Variants in TMOD1 observed in about 807,000 individuals in gnomAD.
The protein encoded by TMOD1 is tropomodulin 1.
Under a neutral mutation model 40.6 loss-of-function variants are expected in TMOD1, and 17 were observed. The observed-to-expected ratio is 0.42, with a 90% CI of 0.29 to 0.63. The LOEUF is 0.63. TMOD1 is among the 20% of genes least tolerant of loss of function. TMOD1 has a pLI of 0.22. For synonymous variants in TMOD1, 181 were observed against 175.0 expected (o/e 1.03, Z -0.27); for missense variants, 391 against 447.6 (o/e 0.87, Z 1.14).
At chr9:97,549,164 T>A (rs7874741) in intron 3 of TMOD1, among the ~76,000 whole-genome samples, 23,494 of 152,206 alleles carry the variant, frequency 0.15, 2,336 homozygotes, top group East Asian at 0.5. Context: ...GCTGGGGGGA[T>A]AAATAAAAGT....
chr9:97,530,928 C>A (rs1462635841), intron 2 of TMOD1, among the ~76,000 whole-genome samples: 5 of 150,490 alleles, frequency 3.3e-5, no homozygotes, highest in African/African-American at 1.2e-4. Context: ...GCTGGACTTA[C>A]AGGCGCACAT....
chr9:97,531,034 C>CCT (rs1183019058), intron 2 of TMOD1, among the ~76,000 whole-genome samples: 2 of 76,396 alleles, frequency 2.6e-5, no homozygotes, highest in Non-Finnish European at 5.3e-5. Flanking sequence ...GTGATCCACA[C>CCT]CCACCCCCCC....
intron 2 of TMOD1, 130 bp downstream of exon 2, chr9:97,524,438 G>T: frequency 8.7e-7 from 1 of 1,146,238 alleles, no homozygotes. Context: ...CTTTGCCTTT[G>T]CAGATTTTTC....
intron 2 of TMOD1, among the ~76,000 whole-genome samples, chr9:97,540,839 T>C (rs1027962678): frequency 1.2e-4 from 19 of 152,228 alleles, no homozygotes; most frequent in Non-Finnish European, 2.5e-4. Context: ...TAAATGTTCG[T>C]GTACAAGCAT....
intron 8 of TMOD1, among the ~76,000 whole-genome samples, chr9:97,585,177 G>C (rs1197014388): frequency 1.3e-5 from 2 of 152,098 alleles, no homozygotes; most frequent in East Asian, 3.9e-4. Context: ...GCTTCCTTCA[G>C]GAGCTCTTGT....
At chr9:97,520,512 C>T (rs553835192) in intron 1 of TMOD1, among the ~76,000 whole-genome samples, 8 of 152,274 alleles carry the variant, frequency 5.3e-5, no homozygotes, top group South Asian at 2.1e-4. Context: ...TCGTAGCAAC[C>T]GTCCTTGTGA....
rs868618641 is a variant in TMOD1 at position 97,509,522 on chromosome 9, T to G, written c.-49+7719T>G. On this transcript the variant is annotated intron_variant, in intron 1 of 9. Coordinates refer to ENST00000259365, the MANE Select transcript of TMOD1 (RefSeq NM_003275.4). ...GAGGTTTTTTTTTTTGTTTTTTGTT[T>G]TTTTTTTAGACAAGGTCTCACTCTT... is the stretch of plus-strand genomic sequence containing the variant. 7.9e-3 allele frequency among the ~76,000 whole-genome samples: 1,186 copies of G among 150,540 alleles called. 16 individuals carry two copies. Among genetic ancestry groups the G allele is most frequent in the African/African-American group, 0.027 (1,089 of 40,940 alleles).
intron 5 of TMOD1, 32 bp from the exon 6 acceptor site, chr9:97,564,006 G>C (rs1252263424): frequency 6.3e-7 from 1 of 1,595,166 alleles, no homozygotes; most frequent in Admixed American, 1.8e-5. Flanking sequence ...CCTTGTTTCT[G>C]TGAGCCACCT....
At chr9:97,576,800 AT>A (rs577416201) in intron 8 of TMOD1, among the ~76,000 whole-genome samples, 20 of 146,580 alleles carry the variant, frequency 1.4e-4, no homozygotes, top group South Asian at 2.2e-4. Flanking sequence ...CGTCCAGCTA[AT>A]TTTTTTTTTT....
chr9:97,581,973 T>C (rs1182730264), intron 8 of TMOD1, among the ~76,000 whole-genome samples: 2 of 148,468 alleles, frequency 1.3e-5, no homozygotes, highest in Non-Finnish European at 1.5e-5. Context: ...GGTAGTTTCT[T>C]TTGCTGTGCA....
intron 1 of TMOD1, among the ~76,000 whole-genome samples, chr9:97,503,645 G>A (rs569404777): frequency 7.2e-5 from 11 of 152,222 alleles, no homozygotes; most frequent in South Asian, 4.2e-4. Flanking sequence ...AATAGCCTCC[G>A]CCCCACCTTA....
intron 2 of TMOD1, among the ~76,000 whole-genome samples, chr9:97,531,364 A>G (rs1054452454): frequency 5.3e-5 from 8 of 152,026 alleles, no homozygotes; most frequent in African/African-American, 1.9e-4. Context: ...TAATCTCAGC[A>G]GTTTTTGGGG....
chr9:97,521,575 G>A (rs548256527), intron 1 of TMOD1, among the ~76,000 whole-genome samples: 4 of 152,098 alleles, frequency 2.6e-5, no homozygotes, highest in Non-Finnish European at 4.4e-5. Flanking sequence ...AGGTTTTTTC[G>A]TCGATACCAG....
intron 2 of TMOD1, among the ~76,000 whole-genome samples, chr9:97,538,039 G>A (rs778942314): frequency 1.3e-5 from 2 of 152,114 alleles, no homozygotes; most frequent in Non-Finnish European, 2.9e-5. Context: ...ACACAAAACT[G>A]AGCAGATCTA....
chr9:97,552,841 G>C (rs1212896096), intron 3 of TMOD1, among the ~76,000 whole-genome samples: 1 of 152,160 alleles, frequency 6.6e-6, no homozygotes, highest in Non-Finnish European at 1.5e-5. Context: ...TTAAAAATAT[G>C]ATAATGAGGC....
chr9:97,539,971 CAA>C (rs34844299), intron 2 of TMOD1, among the ~76,000 whole-genome samples: 3 of 71,968 alleles, frequency 4.2e-5, no homozygotes, highest in Admixed American at 1.7e-4. Flanking sequence ...GACTCTGTCT[CAA>C]AAAAAAAAAA....
chr9:97,555,400 G>T, intron 4 of TMOD1: 1 of 1,354,196 alleles, frequency 7.4e-7, no homozygotes, highest in East Asian at 3.1e-5. Context: ...CAGCTCAAAG[G>T]GATTATCAAA....
chr9:97,528,155 TC>T, intron 2 of TMOD1, among the ~76,000 whole-genome samples: 1 of 152,132 alleles, frequency 6.6e-6, no homozygotes, highest in Non-Finnish European at 1.5e-5. Flanking sequence ...CAGCCAGCTT[TC>T]CCGCCCAGGT....
At chr9:97,588,601 A>G (rs1057200047) in intron 8 of TMOD1, among the ~76,000 whole-genome samples, 1 of 152,164 alleles carries the variant, frequency 6.6e-6, no homozygotes, top group Non-Finnish European at 1.5e-5. Context: ...GATGAAGTGT[A>G]ACATCTATTG....
Sources: gnomAD v4.1 joint callset for allele counts (sites outside exome capture counted in the v4.1 genomes callset) on GRCh38, gnomAD v4.1.1 for gene constraint, MANE v1.5 for transcripts, NCBI Gene and HGNC (gene_info 2026-07-23, HGNC 2026-07-21) for gene names.